Variants in PLXDC2 observed in about 807,000 individuals in gnomAD.
PLXDC2 encodes the protein plexin domain containing 2.
A neutral mutation model predicts 68.9 loss-of-function variants in PLXDC2; 40 were observed. That is an observed-to-expected ratio of 0.58 (90% CI 0.45 to 0.76). PLXDC2 has a LOEUF of 0.76. Among genes scored for constraint, PLXDC2 ranks in the 30% least tolerant of loss-of-function variants. The pLI, the probability that PLXDC2 is intolerant of heterozygous loss-of-function variation, is 0.00. For synonymous variants in PLXDC2, 243 were observed against 234.2 expected (o/e 1.04, Z -0.34); for missense variants, 644 against 661.9 (o/e 0.97, Z 0.30).
intron 1 of PLXDC2, among the ~76,000 whole-genome samples, chr10:19,827,748 G>A (rs535550234): frequency 6.6e-6 from 1 of 151,972 alleles, no homozygotes; most frequent in East Asian, 1.9e-4. Context: ...TAGTAGAGAT[G>A]GGGTTTCACC....
chr10:20,165,151 GT>G (rs1834357321), intron 7 of PLXDC2, among the ~76,000 whole-genome samples: 1 of 152,102 alleles, frequency 6.6e-6, no homozygotes, highest in African/African-American at 2.4e-5. Context: ...GGCAGATACA[GT>G]TCTTTTATTA....
chr10:20,112,265 C>A (rs1833569353), intron 4 of PLXDC2, among the ~76,000 whole-genome samples: 1 of 148,872 alleles, frequency 6.7e-6, no homozygotes, highest in Admixed American at 6.8e-5. Flanking sequence ...ACCAAGATAG[C>A]AATTGAATTA....
At chr10:20,249,660 G>A (rs1051678263) in intron 13 of PLXDC2, among the ~76,000 whole-genome samples, 5 of 151,948 alleles carry the variant, frequency 3.3e-5, no homozygotes, top group African/African-American at 7.3e-5. Context: ...GCATCTCAAG[G>A]TCCTTAACTG....
intron 4 of PLXDC2, among the ~76,000 whole-genome samples, chr10:20,082,679 T>G (rs1836590330): frequency 6.6e-6 from 1 of 152,190 alleles, no homozygotes; most frequent in Non-Finnish European, 1.5e-5. Flanking sequence ...TAACTAACAC[T>G]GTGATTTCTA....
At chr10:20,008,140 A>T (rs1442598949) in intron 2 of PLXDC2, among the ~76,000 whole-genome samples, 2 of 152,182 alleles carry the variant, frequency 1.3e-5, no homozygotes, top group Non-Finnish European at 2.9e-5. Context: ...TTCTTTAAAA[A>T]TTTTACCAGT....
chr10:20,204,233 A>T, intron 9 of PLXDC2, among the ~76,000 whole-genome samples: 1 of 152,286 alleles, frequency 6.6e-6, no homozygotes, highest in Middle Eastern at 3.4e-3. Flanking sequence ...AAATAAGGAT[A>T]ATTATAAGTA....
chr10:20,040,269 T>G (rs1034041064), intron 2 of PLXDC2, among the ~76,000 whole-genome samples: 6 of 152,132 alleles, frequency 3.9e-5, no homozygotes, highest in African/African-American at 1.4e-4. Flanking sequence ...CACCCCTTCC[T>G]GAAACTAGAC....
intron 1 of PLXDC2, among the ~76,000 whole-genome samples, chr10:19,934,514 G>A (rs538512661): frequency 5.2e-4 from 79 of 152,260 alleles, no homozygotes; most frequent in African/African-American, 1.6e-3. Context: ...TTCCTATTGC[G>A]ATCATTACAT....
intron 1 of PLXDC2, among the ~76,000 whole-genome samples, chr10:19,905,250 T>C (rs1289818479): frequency 6.6e-6 from 1 of 152,228 alleles, no homozygotes; most frequent in African/African-American, 2.4e-5. Context: ...GGCATAGCCA[T>C]AGCCATGAAT....
At chr10:20,271,136 C>CACACAT in intron 13 of PLXDC2, among the ~76,000 whole-genome samples, 1 of 148,148 alleles carries the variant, frequency 6.8e-6, no homozygotes, top group African/African-American at 2.5e-5. Context: ...AAAACAGACA[C>CACACAT]ACACACACAC....
chr10:20,066,029 A>G lies in PLXDC2; in HGVS notation c.472-2141A>G, dbSNP rs142262974. Among the ~76,000 whole-genome samples the G allele has an allele frequency of 4.5e-4, 69 of 152,330 alleles. 1 individual carries two copies. The East Asian group carries it at 9.6e-3, about 21-fold the overall frequency. On this transcript the variant is annotated intron_variant, in intron 3 of 13. Transcript: ENST00000377252. Reference sequence around the variant, plus strand: ...CAATGATAGTGACCGATGTTTGGAGAAGAGTATCAGTAGCGACTGGCAAGA... The same window carrying G: ...CAATGATAGTGACCGATGTTTGGAGGAGAGTATCAGTAGCGACTGGCAAGA...
At chr10:20,051,452 A>G (rs957547950) in intron 3 of PLXDC2, among the ~76,000 whole-genome samples, 1 of 135,968 alleles carries the variant, frequency 7.4e-6, no homozygotes, top group Non-Finnish European at 1.6e-5. Context: ...ATGTGCTATT[A>G]TGGTTATATT....
At chr10:20,187,578 A>G (rs2131835639) in intron 9 of PLXDC2, among the ~76,000 whole-genome samples, 1 of 151,998 alleles carries the variant, frequency 6.6e-6, no homozygotes, top group Admixed American at 6.6e-5. Context: ...TTCCTAGCAC[A>G]TAATTTACTT....
At chr10:20,193,165 T>C (rs10740969) in intron 9 of PLXDC2, among the ~76,000 whole-genome samples, 72,442 of 151,884 alleles carry the variant, frequency 0.48, 17,484 homozygotes, top group Middle Eastern at 0.56. Flanking sequence ...AGAAATTCTA[T>C]GTTAGTGCAA....
At chr10:20,271,152 C>CACACACAT (rs1835935879) in intron 13 of PLXDC2, among the ~76,000 whole-genome samples, 2 of 151,710 alleles carry the variant, frequency 1.3e-5, no homozygotes, top group African/African-American at 4.9e-5. Context: ...CACACACACA[C>CACACACAT]ACACACACAC....
chr10:20,240,622 G>A (rs893563881), intron 12 of PLXDC2, among the ~76,000 whole-genome samples: 1 of 144,684 alleles, frequency 6.9e-6, no homozygotes, highest in African/African-American at 2.6e-5. Flanking sequence ...CATAATACCT[G>A]CTAATATACG....
intron 1 of PLXDC2, among the ~76,000 whole-genome samples, chr10:19,911,392 G>A (rs115491298): frequency 2.6e-5 from 4 of 152,030 alleles, no homozygotes; most frequent in Non-Finnish European, 5.9e-5. Flanking sequence ...ATTTGCTCTA[G>A]CATAATTTTA....
chr10:20,161,818 G>A (rs1460385537), intron 6 of PLXDC2, among the ~76,000 whole-genome samples: 3 of 151,956 alleles, frequency 2.0e-5, no homozygotes, highest in African/African-American at 4.8e-5. Context: ...GATCACCTGA[G>A]GTCAGGAGTT....
At chr10:20,066,021 GT>G (rs1190911140) in intron 3 of PLXDC2, among the ~76,000 whole-genome samples, 1 of 152,238 alleles carries the variant, frequency 6.6e-6, no homozygotes, top group East Asian at 1.9e-4. Context: ...AGTGACCGAT[GT>G]TTGGAGAAGA....
Sources: gnomAD v4.1 joint callset for allele counts (sites outside exome capture counted in the v4.1 genomes callset) on GRCh38, gnomAD v4.1.1 for gene constraint, MANE v1.5 for transcripts, NCBI Gene and HGNC (gene_info 2026-07-23, HGNC 2026-07-21) for gene names.